Variants in UGGT2 observed in about 807,000 individuals in gnomAD.
The protein encoded by UGGT2 is UDP-glucose:glycoprotein glucosyltransferase 2.
Under a neutral mutation model 192.1 loss-of-function variants are expected in UGGT2, and 180 were observed. That is an observed-to-expected ratio of 0.94 (90% CI 0.83 to 1.06). The LOEUF is 1.06. Among genes scored for constraint, UGGT2 ranks in the 50% least tolerant of loss-of-function variants. The probability of loss-of-function intolerance (pLI) is 0.00; values close to 1 mark genes in which losing one functional copy is unlikely to be tolerated. For synonymous variants in UGGT2, 580 were observed against 591.0 expected, an observed-to-expected ratio of 0.98 and a Z score of 0.27; for missense variants, 1,849 against 1,795.7, an observed-to-expected ratio of 1.03 and a Z score of -0.54.
chr13:95,850,540 A>C (rs1298280198), intron 36 of UGGT2, among the ~76,000 whole-genome samples: 1 of 152,196 alleles, frequency 6.6e-6, no homozygotes, highest in Non-Finnish European at 1.5e-5. Context: ...TACTCCAATG[A>C]CACAATGGGC....
chr13:95,904,870 C>T (rs924907795), intron 20 of UGGT2, among the ~76,000 whole-genome samples: 5 of 151,462 alleles, frequency 3.3e-5, no homozygotes, highest in African/African-American at 4.9e-5. Flanking sequence ...GGAATCGCCA[C>T]ACTGACTTCC....
intron 20 of UGGT2, among the ~76,000 whole-genome samples, chr13:95,916,683 A>T (rs982906422): frequency 2.6e-5 from 4 of 152,174 alleles, no homozygotes; most frequent in African/African-American, 9.7e-5. Context: ...TGTAAACGAG[A>T]ACAATCAGTT....
chr13:95,835,155 T>C (rs543780635), intron 37 of UGGT2, among the ~76,000 whole-genome samples: 1 of 152,304 alleles, frequency 6.6e-6, no homozygotes, highest in Admixed American at 6.5e-5. Flanking sequence ...CAATTCAGAA[T>C]AGCAACATGT....
intron 38 of UGGT2, among the ~76,000 whole-genome samples, chr13:95,832,298 TGACAGGGAAAGA>T (rs1198357023): frequency 2.0e-5 from 3 of 152,084 alleles, no homozygotes; most frequent in Non-Finnish European, 4.4e-5. Flanking sequence ...CAGGCAGCAC[TGACAGGGAAAGA>T]GAATTACAGG....
intron 2 of UGGT2, 47 bp downstream of exon 2, chr13:96,031,842 T>G (rs377631107): frequency 7.3e-7 from 1 of 1,377,988 alleles, no homozygotes; most frequent in Non-Finnish European, 1.0e-6. Flanking sequence ...TTACAATGTG[T>G]GTACATAAAT....
chr13:95,841,516 C>T (rs1887863074), intron 36 of UGGT2, among the ~76,000 whole-genome samples: 1 of 152,152 alleles, frequency 6.6e-6, no homozygotes, highest in African/African-American at 2.4e-5. Context: ...TGAATCAACC[C>T]TGGTGATCAA....
At chr13:95,964,351 G>A (rs928722302) in intron 12 of UGGT2, among the ~76,000 whole-genome samples, 11 of 151,946 alleles carry the variant, frequency 7.2e-5, no homozygotes, top group Non-Finnish European at 1.5e-4. Flanking sequence ...ATACCCCAAA[G>A]TATAAAACTA....
intron 12 of UGGT2, among the ~76,000 whole-genome samples, chr13:95,965,848 T>C (rs1168722740): frequency 6.6e-6 from 1 of 152,104 alleles, no homozygotes; most frequent in Non-Finnish European, 1.5e-5. Flanking sequence ...CGGAATATCA[T>C]TTTACCCCAG....
intron 6 of UGGT2, among the ~76,000 whole-genome samples, chr13:95,998,936 T>C (rs868027477): frequency 7.2e-5 from 11 of 152,328 alleles, no homozygotes; most frequent in Middle Eastern, 3.4e-3. Flanking sequence ...ATACTATCAA[T>C]TGTTACATGG....
At chr13:95,972,488 G>T in intron 11 of UGGT2, 92 bp downstream of exon 11, 1 of 1,143,748 alleles carries the variant, frequency 8.7e-7, no homozygotes, top group Non-Finnish European at 1.3e-6. Context: ...TATCTTTAAA[G>T]TGATCTTCAT....
intron 38 of UGGT2, among the ~76,000 whole-genome samples, chr13:95,814,114 T>C (rs372146780): frequency 6.6e-6 from 1 of 152,162 alleles, no homozygotes; most frequent in Admixed American, 6.5e-5. Flanking sequence ...TAGGGAAGTA[T>C]GGAGTGAAAA....
rs2049897296 is a variant in UGGT2, at chr13:95,947,084, T to A, written c.1630A>T (p.Ile544Phe). ...GVALWRAFNYIAEEFDISEAF... is the reference protein window; with the variant it reads ...GVALWRAFNYFAEEFDISEAF... The stretch of plus-strand genomic sequence containing the variant: ...TCTGATATATCAAATTCTTCTGCAA[T>A]ATAGTTGAAAGCTCGCCAGAGAGCA... The change falls in exon 15 of 39, where the codon ATT (isoleucine) becomes TTT (phenylalanine). Residue 544 changes from isoleucine to phenylalanine, a missense_variant. Transcript: ENST00000376747. 4 of 1,611,406 alleles carry A rather than the reference T, an allele frequency of 2.5e-6. No homozygotes were observed. Among genetic ancestry groups the A allele is most frequent in the Non-Finnish European group, 3.4e-6 (4 of 1,179,244 alleles).
intron 38 of UGGT2, chr13:95,832,720 G>T: frequency 3.0e-6 from 2 of 674,614 alleles, no homozygotes; most frequent in Non-Finnish European, 5.4e-6. Flanking sequence ...GTTATGAGCT[G>T]AAGCTGTATC....
At chr13:96,034,931 G>A (rs1202254217) in intron 1 of UGGT2, among the ~76,000 whole-genome samples, 1 of 152,232 alleles carries the variant, frequency 6.6e-6, no homozygotes, top group Non-Finnish European at 1.5e-5. Flanking sequence ...GCCAGGCCGA[G>A]TGGACAAAAG....
At chr13:95,877,924 T>C (rs1406087525) in intron 27 of UGGT2, 68 bp from the exon 28 acceptor site, 3 of 1,452,288 alleles carry the variant, frequency 2.1e-6, no homozygotes, top group Non-Finnish European at 2.8e-6. Context: ...TTGAAATAAA[T>C]AAATGTGATT....
chr13:95,989,368 T>C (rs532925066), intron 8 of UGGT2, among the ~76,000 whole-genome samples: 3 of 152,226 alleles, frequency 2.0e-5, no homozygotes, highest in Middle Eastern at 3.4e-3. Context: ...AGTTAGATTA[T>C]GCAGAAAGAT....
intron 34 of UGGT2, among the ~76,000 whole-genome samples, chr13:95,855,919 T>C (rs1889565712): frequency 6.6e-6 from 1 of 152,196 alleles, no homozygotes; most frequent in Admixed American, 6.5e-5. Context: ...AAAAAACTAC[T>C]ACTTTAGAGA....
chr13:96,000,273 G>A (rs968861975), intron 5 of UGGT2, among the ~76,000 whole-genome samples: 2 of 152,180 alleles, frequency 1.3e-5, no homozygotes, highest in African/African-American at 2.4e-5. Flanking sequence ...GAGAACTTTA[G>A]TAGTGTGTTA....
At chr13:95,856,491 TTAA>T (rs1889631868) in intron 33 of UGGT2, 151 bp from the exon 34 acceptor site, 3 of 673,242 alleles carry the variant, frequency 4.5e-6, no homozygotes, top group Non-Finnish European at 7.3e-6. Context: ...AACATACTTA[TTAA>T]TGAGAAATAT....
Sources: gnomAD v4.1 joint callset for allele counts (sites outside exome capture counted in the v4.1 genomes callset) on GRCh38, gnomAD v4.1.1 for gene constraint, MANE v1.5 for transcripts, NCBI Gene and HGNC (gene_info 2026-07-23, HGNC 2026-07-21) for gene names.